Variants in VPS13B observed in about 807,000 individuals in gnomAD.
The protein encoded by VPS13B is intermembrane lipid transfer protein VPS13B.
Under a neutral mutation model 426.4 loss-of-function variants are expected in VPS13B, and 285 were observed. The observed-to-expected ratio is 0.67, with a 90% CI of 0.61 to 0.74. The LOEUF is 0.74. Ranked by LOEUF, VPS13B falls within the 30% of genes least tolerant of loss-of-function variation. The pLI, the probability that VPS13B is intolerant of heterozygous loss-of-function variation, is 0.00. For synonymous variants in VPS13B, 1,676 were observed against 1,676.4 expected, an observed-to-expected ratio of 1.00 and a Z score of 0.01; for missense variants, 4,537 against 4,782.6, an observed-to-expected ratio of 0.95 and a Z score of 1.51.
chr8:99,649,880 AC>A (rs1190268383), intron 34 of VPS13B, among the ~76,000 whole-genome samples: 1 of 152,178 alleles, frequency 6.6e-6, no homozygotes, highest in Admixed American at 6.5e-5. Flanking sequence ...ACACAAAACA[AC>A]ATGAACTGGG....
intron 3 of VPS13B, among the ~76,000 whole-genome samples, chr8:99,048,357 T>C (rs957907802): frequency 6.6e-6 from 1 of 152,234 alleles, no homozygotes; most frequent in Non-Finnish European, 1.5e-5. Flanking sequence ...TAAATATCTG[T>C]TAAGTCCATT....
At chr8:99,299,255 G>A (rs1054461568) in intron 19 of VPS13B, among the ~76,000 whole-genome samples, 1 of 151,546 alleles carries the variant, frequency 6.6e-6, no homozygotes, top group African/African-American at 2.4e-5. Context: ...TAGAGACGGG[G>A]TTTCACCATG....
chr8:99,274,055 TA>T, intron 17 of VPS13B, 142 bp from the exon 18 acceptor site: 2 of 1,199,368 alleles, frequency 1.7e-6, no homozygotes, highest in Non-Finnish European at 2.4e-6. Flanking sequence ...TCTGAAATAC[TA>T]AACTATGAAA....
intron 19 of VPS13B, among the ~76,000 whole-genome samples, chr8:99,278,584 C>T (rs895843283): frequency 3.3e-5 from 5 of 152,294 alleles, no homozygotes; most frequent in African/African-American, 1.2e-4. Flanking sequence ...AGTCTTTGAA[C>T]TAGAACTTGG....
intron 17 of VPS13B, among the ~76,000 whole-genome samples, chr8:99,265,485 A>G (rs1818247842): frequency 6.6e-6 from 1 of 152,138 alleles, no homozygotes; most frequent in South Asian, 2.1e-4. Context: ...TGCCATATAG[A>G]TTCTAAGATA....
At chr8:99,491,905 G>A (rs2133582667) in intron 25 of VPS13B, among the ~76,000 whole-genome samples, 1 of 152,234 alleles carries the variant, frequency 6.6e-6, no homozygotes, top group South Asian at 2.1e-4. Flanking sequence ...TTGTTCCATT[G>A]CTGGCGAGGA....
At chr8:99,057,004 A>G (rs139256790) in intron 3 of VPS13B, among the ~76,000 whole-genome samples, 44 of 151,976 alleles carry the variant, frequency 2.9e-4, no homozygotes, top group Admixed American at 6.6e-4. Flanking sequence ...CATATGTTTA[A>G]TTTTTTATTT....
chr8:99,550,570 A>G (rs1824227087), intron 30 of VPS13B, among the ~76,000 whole-genome samples: 2 of 150,774 alleles, frequency 1.3e-5, no homozygotes, highest in African/African-American at 4.9e-5. Flanking sequence ...AAATTTGTCT[A>G]TTTTTGGCTT....
intron 16 of VPS13B, among the ~76,000 whole-genome samples, chr8:99,176,196 G>A (rs1449232080): frequency 6.6e-6 from 1 of 152,084 alleles, no homozygotes; most frequent in Non-Finnish European, 1.5e-5. Context: ...GAATACAGTG[G>A]CATGATCTTG....
At chr8:99,592,473 G>A (rs1485618162) in intron 33 of VPS13B, among the ~76,000 whole-genome samples, 2 of 152,036 alleles carry the variant, frequency 1.3e-5, no homozygotes, top group African/African-American at 4.8e-5. Context: ...TTTGGTCTTT[G>A]ATGCTGGCGA....
At chr8:99,089,017 G>A (rs1845998301) in intron 3 of VPS13B, among the ~76,000 whole-genome samples, 1 of 152,174 alleles carries the variant, frequency 6.6e-6, no homozygotes, top group Admixed American at 6.5e-5. Flanking sequence ...GGTTAGGTTG[G>A]ATAGGTTAGG....
At chr8:99,188,993 G>A (rs893284735) in intron 16 of VPS13B, among the ~76,000 whole-genome samples, 1 of 152,088 alleles carries the variant, frequency 6.6e-6, no homozygotes, top group African/African-American at 2.4e-5. Context: ...TCCGCCTCCC[G>A]GGTTCACACC....
intron 19 of VPS13B, among the ~76,000 whole-genome samples, chr8:99,344,799 T>C (rs1276246212): frequency 6.6e-6 from 1 of 152,142 alleles, no homozygotes; most frequent in African/African-American, 2.4e-5. Context: ...CAATTATATG[T>C]GTGGCTTGCT....
chr8:99,402,520 A>G (rs1815092737), intron 21 of VPS13B, among the ~76,000 whole-genome samples: 1 of 152,178 alleles, frequency 6.6e-6, no homozygotes, highest in Non-Finnish European at 1.5e-5. Context: ...CTACAAGTGA[A>G]AAAAGGAGGA....
At chr8:99,796,117 T>G (rs1165251632) in intron 43 of VPS13B, among the ~76,000 whole-genome samples, 1 of 152,022 alleles carries the variant, frequency 6.6e-6, no homozygotes, top group Non-Finnish European at 1.5e-5. Context: ...GACATAATGG[T>G]GTTTTAAAAT....
At chr8:99,206,857 G>A (rs1173669768) in intron 17 of VPS13B, among the ~76,000 whole-genome samples, 1 of 151,246 alleles carries the variant, frequency 6.6e-6, no homozygotes, top group Non-Finnish European at 1.5e-5. Flanking sequence ...ACACCATCAT[G>A]TCTGCTAAAT....
At chr8:99,108,306 A>C (rs954662160) in intron 5 of VPS13B, among the ~76,000 whole-genome samples, 1 of 152,200 alleles carries the variant, frequency 6.6e-6, no homozygotes, top group African/African-American at 2.4e-5. Context: ...TGCAATGAAC[A>C]TACACATGTG....
At chr8:99,729,888 TAA>T (rs1833518590) in intron 39 of VPS13B, among the ~76,000 whole-genome samples, 2 of 152,238 alleles carry the variant, frequency 1.3e-5, no homozygotes, top group Non-Finnish European at 2.9e-5. Context: ...TTTGCTGCTT[TAA>T]ATTTGACTTT....
intron 34 of VPS13B, among the ~76,000 whole-genome samples, chr8:99,654,018 GGAT>G (rs200076337): frequency 1.3e-4 from 20 of 150,614 alleles, no homozygotes; most frequent in South Asian, 4.2e-4. Flanking sequence ...TCCTGACATT[GGAT>G]GATGATGATG....
Sources: allele counts gnomAD v4.1 joint callset (sites outside exome capture counted in the v4.1 genomes callset), GRCh38; gene constraint gnomAD v4.1.1; transcripts MANE v1.5; gene names NCBI Gene and HGNC (gene_info 2026-07-23, HGNC 2026-07-21).